Variants in DMRT1 observed in about 807,000 individuals in gnomAD.
DMRT1 encodes the protein doublesex and mab-3 related transcription factor 1.
A neutral mutation model predicts 32.3 loss-of-function variants in DMRT1; 7 were observed. The ratio of observed to expected loss-of-function variants is 0.22; its 90% CI spans 0.12 to 0.41. The LOEUF (loss-of-function observed/expected upper bound fraction) is 0.41. DMRT1 is among the 10% of genes least tolerant of loss of function. DMRT1 has a pLI of 1.00. For synonymous variants in DMRT1, 278 were observed against 206.1 expected (o/e 1.35, Z -2.99); for missense variants, 625 against 500.5 (o/e 1.25, Z -2.37).
At chr9:879,131 C>T (rs975650219) in intron 2 of DMRT1, among the ~76,000 whole-genome samples, 1 of 152,134 alleles carries the variant, frequency 6.6e-6, no homozygotes, top group Non-Finnish European at 1.5e-5. Context: ...CTCTAATTCT[C>T]TCAAATCAGT....
Position 965,903 on chromosome 9 carries a change from G to A in DMRT1, c.968-2082G>A, listed in dbSNP as rs1819915889. Among the ~76,000 whole-genome samples the A allele has an allele frequency of 6.6e-6, 1 of 152,170 alleles. No individual in the cohort carries two copies. Among genetic ancestry groups the A allele is most frequent in the Non-Finnish European group, 1.5e-5 (1 of 68,036 alleles). The stretch of plus-strand genomic sequence containing the variant: ...GGGAGAGTAATTCTCTCAGTGAATG[G>A]TTTGAGGGTGAAATACCTCACTAAA... On this transcript the variant is annotated intron_variant, in intron 4 of 4. Transcript: ENST00000382276. The surrounding 1 kb of genome is among the most constrained non-coding windows in gnomAD (Gnocchi z 4.5).
intron 4 of DMRT1, among the ~76,000 whole-genome samples, chr9:962,639 G>A (rs1329432946): frequency 1.3e-5 from 2 of 152,142 alleles, no homozygotes; most frequent in Non-Finnish European, 2.9e-5. Context: ...GGTGGCATTG[G>A]AGAAGGAACG....
At chr9:869,721 C>G (rs865786025) in intron 2 of DMRT1, among the ~76,000 whole-genome samples, 1 of 152,046 alleles carries the variant, frequency 6.6e-6, no homozygotes, top group African/African-American at 2.4e-5. Context: ...TTTTCAATCC[C>G]CGAGAATTTA....
intron 4 of DMRT1, among the ~76,000 whole-genome samples, chr9:917,260 T>C (rs1413622275): frequency 6.6e-6 from 1 of 152,180 alleles, no homozygotes; most frequent in Non-Finnish European, 1.5e-5. Context: ...TTTCTGTGCA[T>C]TGAAAACTCC....
At chr9:843,382 G>A (rs13295838) in intron 1 of DMRT1, among the ~76,000 whole-genome samples, 56,652 of 152,142 alleles carry the variant, frequency 0.37, 12,089 homozygotes, top group Non-Finnish European at 0.49. Context: ...CATTTTGAGA[G>A]CTCTGGAAAT....
At position 894,126 on chromosome 9, in the gene DMRT1, C is replaced by A. The variant is rs1564230356; in HGVS notation, c.753C>A (p.Ser251=). ...AGGTGGGAAATCCCCTCGGGGGATCCCCTGTGAAGAACAGCCTTCGGGGCC... is the reference window on the plus strand; with the variant it reads ...AGGTGGGAAATCCCCTCGGGGGATCACCTGTGAAGAACAGCCTTCGGGGCC... ...SGEVGNPLGG[S]PVKNSLRGLP... The change falls in exon 3 of 5, where the codon TCC becomes TCA. Residue 251 remains serine (S), a synonymous_variant. Coordinates refer to ENST00000382276, the MANE Select transcript of DMRT1 (RefSeq NM_021951.3). The A allele has an allele frequency of 1.2e-6, 2 of 1,614,236 alleles. No individual in the cohort carries two copies. The highest frequency in any genetic ancestry group is 1.7e-6 in the Non-Finnish European group (2 of 1,180,042).
At chr9:894,787 G>GTTTTTTT (rs1189702867) in intron 3 of DMRT1, 1 of 154,510 alleles carries the variant, frequency 6.5e-6, no homozygotes, top group African/African-American at 2.5e-5. Context: ...CATTCTCCAA[G>GTTTTTTT]TTTGTTTTTT....
At chr9:930,858 C>G (rs1462995329) in intron 4 of DMRT1, among the ~76,000 whole-genome samples, 2 of 152,184 alleles carry the variant, frequency 1.3e-5, no homozygotes, top group African/African-American at 4.8e-5. Context: ...CTTTTTATAA[C>G]TGCTTCATTA....
intron 4 of DMRT1, among the ~76,000 whole-genome samples, chr9:951,045 A>G (rs1819411380): frequency 6.6e-6 from 1 of 152,088 alleles, no homozygotes; most frequent in Admixed American, 6.6e-5. Flanking sequence ...TTTTCTCTCA[A>G]TTTTATCTGA....
intron 4 of DMRT1, among the ~76,000 whole-genome samples, chr9:945,214 C>T (rs890501381): frequency 6.6e-6 from 1 of 152,088 alleles, no homozygotes; most frequent in African/African-American, 2.4e-5. Context: ...AGTCCAATGG[C>T]TCAATCTCAG....
At chr9:939,985 G>A in intron 4 of DMRT1, among the ~76,000 whole-genome samples, 1 of 152,074 alleles carries the variant, frequency 6.6e-6, no homozygotes, top group Admixed American at 6.6e-5. Flanking sequence ...AGCCATCAGT[G>A]AAACGCAAAT....
intron 4 of DMRT1, among the ~76,000 whole-genome samples, chr9:956,563 CAAAAAA>C (rs199499677): frequency 1.2e-5 from 1 of 84,204 alleles, no homozygotes; most frequent in Non-Finnish European, 2.6e-5. Context: ...GACCCTGTCT[CAAAAAA>C]AAAAAAAACA....
intron 4 of DMRT1, among the ~76,000 whole-genome samples, chr9:926,526 A>C (rs1231313619): frequency 1.3e-5 from 2 of 152,192 alleles, no homozygotes; most frequent in African/African-American, 4.8e-5. Context: ...ATAATTTTTG[A>C]GGAAGATGTT....
intron 2 of DMRT1, among the ~76,000 whole-genome samples, chr9:886,015 C>G (rs974146515): frequency 6.6e-6 from 1 of 152,152 alleles, no homozygotes; most frequent in Non-Finnish European, 1.5e-5. Flanking sequence ...AATTATCATT[C>G]TAGAAAAATA....
intron 1 of DMRT1, among the ~76,000 whole-genome samples, chr9:843,363 C>A (rs531658339): frequency 1.3e-5 from 2 of 152,224 alleles, no homozygotes; most frequent in East Asian, 1.9e-4. Flanking sequence ...GGAGGCTGAG[C>A]GCCTCAGCCA....
chr9:880,786 T>G (rs998837106), intron 2 of DMRT1, among the ~76,000 whole-genome samples: 6 of 151,452 alleles, frequency 4.0e-5, no homozygotes, highest in African/African-American at 1.5e-4. Flanking sequence ...GTTTGCCATG[T>G]GCTAAGGACC....
intron 2 of DMRT1, among the ~76,000 whole-genome samples, chr9:871,664 C>T (rs12000459): frequency 4.8e-4 from 69 of 145,206 alleles, no homozygotes; most frequent in African/African-American, 1.5e-3. Flanking sequence ...TTAGTAGAGA[C>T]GGGGTTTCAC....
chr9:968,283 A>T lies in DMRT1; in HGVS notation c.*144A>T. ...TTATATTCCTTAGAGTTTAGTCCAG[A>T]GGCTGTAACACATTTGTAATACTTT... is the stretch of plus-strand genomic sequence containing the variant. On this transcript the variant is annotated 3_prime_UTR_variant, in exon 5 of 5. Coordinates refer to ENST00000382276, the MANE Select transcript of DMRT1 (RefSeq NM_021951.3). 1 of 948,074 alleles carries T rather than the reference A, an allele frequency of 1.1e-6. No individual in the cohort carries two copies. Among genetic ancestry groups the T allele is most frequent in the Non-Finnish European group, 1.6e-6 (1 of 626,392 alleles). 58.7% of individuals were successfully genotyped at this position (948,074 alleles called of 1,614,324 possible). A position where few individuals can be genotyped will look rare whatever the true frequency, so the allele number is the denominator to read the frequency against.
intron 2 of DMRT1, among the ~76,000 whole-genome samples, chr9:888,592 GCCTGACCT>G (rs1817022347): frequency 6.6e-6 from 1 of 152,140 alleles, no homozygotes; most frequent in South Asian, 2.1e-4. Context: ...GAGCCACTGT[GCCTGACCT>G]CATTTGTTGT....
Sources: allele counts gnomAD v4.1 joint callset (sites outside exome capture counted in the v4.1 genomes callset), GRCh38; gene constraint gnomAD v4.1.1; non-coding constraint Gnocchi (gnomAD v3.1); transcripts MANE v1.5; gene names NCBI Gene and HGNC (gene_info 2026-07-23, HGNC 2026-07-21).